C1orf210: variants seen among roughly 807,000 people sequenced by gnomAD.
C1orf210 encodes chromosome 1 open reading frame 210.
Under a neutral mutation model 3.7 loss-of-function variants are expected in C1orf210, and 3 were observed. That is an observed-to-expected ratio of 0.81 (90% CI 0.37 to 2.08). The LOEUF is 2.08. C1orf210 is among the 30% of genes most tolerant of loss of function. The pLI, the probability that C1orf210 is intolerant of heterozygous loss-of-function variation, is 0.06. For synonymous variants in C1orf210, 62 were observed against 61.7 expected (o/e 1.00, Z -0.02); for missense variants, 143 against 147.7 (o/e 0.97, Z 0.17).
intron 1 of C1orf210, among the ~76,000 whole-genome samples, chr1:43,284,310 G>C (rs1431657207): frequency 6.6e-6 from 1 of 152,142 alleles, no homozygotes; most frequent in Non-Finnish European, 1.5e-5. Context: ...ATATCTGCCA[G>C]TGGAGCACCT....
At chr1:43,283,171 C>G in intron 2 of C1orf210, 64 bp from the exon 3 acceptor site, 1 of 1,595,528 alleles carries the variant, frequency 6.3e-7, no homozygotes. Flanking sequence ...AAACCAAGAG[C>G]AGTGCAGGTA....
At chr1:43,285,716 G>A (rs180981899), upstream of C1orf210, 838 of 152,596 alleles carry the variant, frequency 5.5e-3, 2 homozygotes, top group Non-Finnish European at 8.6e-3. Flanking sequence ...GCCTCCAGTG[G>A]GGAGGGATAA....
Position 43,283,108 on chromosome 1 carries a change from C to A in C1orf210, c.20-1G>T. ...GGGAGCTCCGAAGGCCCAACAAGTG[C>A]TGCAGAGAAAGGGACAGCATTATAG... On this transcript the variant is annotated splice_acceptor_variant, in intron 2 of 2. Coordinates refer to ENST00000523677, the MANE Select transcript of C1orf210 (RefSeq NM_182517.3). LOFTEE classifies it high-confidence loss of function. 6.2e-7 allele frequency: 1 copy of A among 1,611,806 alleles called. No individual in the cohort carries two copies. The highest frequency in any genetic ancestry group is 8.5e-7 in the Non-Finnish European group (1 of 1,178,632).
chr1:43,284,499 C>G (rs1272492715), intron 1 of C1orf210, among the ~76,000 whole-genome samples: 1 of 151,950 alleles, frequency 6.6e-6, no homozygotes, highest in Non-Finnish European at 1.5e-5. Context: ...TCTGGAATGA[C>G]AATACCCTCT....
At chr1:43,284,022 C>T (rs1646563610) in intron 1 of C1orf210, among the ~76,000 whole-genome samples, 1 of 152,200 alleles carries the variant, frequency 6.6e-6, no homozygotes, top group African/African-American at 2.4e-5. Flanking sequence ...TCAAAGGAGG[C>T]CCACACTCTG....
At chr1:43,284,313 G>A (rs1460861373) in intron 1 of C1orf210, among the ~76,000 whole-genome samples, 1 of 152,084 alleles carries the variant, frequency 6.6e-6, no homozygotes, top group East Asian at 1.9e-4. Context: ...TCTGCCAGTG[G>A]AGCACCTGAA....
At position 43,282,808 on chromosome 1, in the gene C1orf210, T is replaced by C. The variant is rs1015642985; in HGVS notation, c.319A>G (p.Ser107Gly). The C allele has an allele frequency of 6.2e-7, 1 of 1,606,070 alleles. No individual in the cohort carries two copies. The highest frequency in any genetic ancestry group is 1.3e-5 in the African/African-American group (1 of 74,968). Residue 107 changes from serine (S) to glycine (G), a missense_variant, in exon 3 of 3, where the codon AGC becomes GGC. Transcript: ENST00000523677. ...GCTCAGAGGGAGAAGTGGTCCCTGC[T>C]ACCCTCTGTCCCCAGCTCGCCAGTC... ...PGTGELGTEG[S>G]RDHFSL
At position 43,283,334 on chromosome 1, in the gene C1orf210, G is replaced by T; in HGVS notation, c.-64C>A. ...CAGAAAGAGCCCTGGCTCTGAGGAG[G>T]CCCCCAGATGCCAGGCAGCCCCAGG... On this transcript the variant is annotated 5_prime_UTR_variant, in exon 2 of 3. Transcript: ENST00000523677. The T allele has an allele frequency of 6.3e-7, 1 of 1,589,694 alleles. No individual in the cohort carries two copies. The highest frequency in any genetic ancestry group is 8.5e-7 in the Non-Finnish European group (1 of 1,169,962).
intron 1 of C1orf210, among the ~76,000 whole-genome samples, chr1:43,283,951 G>GC (rs1398523313): frequency 2.0e-5 from 3 of 152,174 alleles, no homozygotes; most frequent in African/African-American, 7.2e-5. Context: ...TAAGTTGAAA[G>GC]CCGCTGCTGC....
At chr1:43,283,920 C>T (rs1363882101) in intron 1 of C1orf210, among the ~76,000 whole-genome samples, 1 of 152,202 alleles carries the variant, frequency 6.6e-6, no homozygotes, top group Non-Finnish European at 1.5e-5. Context: ...CTGGACACAG[C>T]CAGAGCAGCC....
At chr1:43,283,432 C>T (rs1223263238) in intron 1 of C1orf210, 64 bp from the exon 2 acceptor site, 1 of 898,496 alleles carries the variant, frequency 1.1e-6, no homozygotes, top group Non-Finnish European at 1.7e-6. Context: ...AGGTCACACT[C>T]ACAGCCATGG....
intron 1 of C1orf210, among the ~76,000 whole-genome samples, chr1:43,284,039 C>T (rs1042552680): frequency 5.9e-5 from 9 of 152,214 alleles, no homozygotes; most frequent in Admixed American, 4.6e-4. Flanking sequence ...TCTGCCCCCA[C>T]AGGGAGGCTC....
At chr1:43,283,554 T>G (rs772094638) in intron 1 of C1orf210, among the ~76,000 whole-genome samples, 186 bp from the exon 2 acceptor site, 4 of 152,138 alleles carry the variant, frequency 2.6e-5, no homozygotes, top group Non-Finnish European at 4.4e-5. Context: ...ATCACAGGGT[T>G]TGGCTCTGGA....
chr1:43,283,317 G>T lies in C1orf210; in HGVS notation c.-47C>A. ...TGAGTCTCAGCCTCAACCAGAAAGAGCCCTGGCTCTGAGGAGGCCCCCAGA... is the reference window on the plus strand; with the variant it reads ...TGAGTCTCAGCCTCAACCAGAAAGATCCCTGGCTCTGAGGAGGCCCCCAGA... On this transcript the variant is annotated 5_prime_UTR_variant, in exon 2 of 3. Transcript: ENST00000523677. The T allele has an allele frequency of 6.2e-7, 1 of 1,607,954 alleles. No homozygotes were observed. The highest frequency in any genetic ancestry group is 8.5e-7 in the Non-Finnish European group (1 of 1,177,802).
intron 1 of C1orf210, among the ~76,000 whole-genome samples, chr1:43,284,825 A>G (rs559309761): frequency 1.3e-4 from 20 of 151,992 alleles, no homozygotes; most frequent in African/African-American, 4.8e-4. Context: ...CGCCCTCCTC[A>G]GTTTTTGGGG....
chr1:43,282,340 T>C lies in C1orf210; in HGVS notation c.*445A>G. The C allele has an allele frequency of 6.3e-6, 1 of 157,868 alleles. No homozygotes were observed. The highest frequency in any genetic ancestry group is 1.4e-5 in the Non-Finnish European group (1 of 72,410). The allele number at this position is 157,868 out of a possible 1,614,324, so 9.8% of individuals were successfully genotyped here. ...TACCATCTGGGCATATTTGAAATGCTGGCAGGTAGGCAGGCCATCACAGTC... is the reference window on the plus strand; with the variant it reads ...TACCATCTGGGCATATTTGAAATGCCGGCAGGTAGGCAGGCCATCACAGTC... On this transcript the variant is annotated 3_prime_UTR_variant, in exon 3 of 3. Transcript: ENST00000523677.
chr1:43,283,713 T>G (rs1273421222), intron 1 of C1orf210, among the ~76,000 whole-genome samples: 1 of 152,198 alleles, frequency 6.6e-6, no homozygotes, highest in Non-Finnish European at 1.5e-5. Context: ...AAAGGTGAAC[T>G]GACTCAACTA....
At position 43,282,840 on chromosome 1, in the gene C1orf210, T is replaced by C. The variant is rs759452171; in HGVS notation, c.287A>G (p.Gln96Arg). Residue 96 changes from glutamine (Q) to arginine (R), a missense_variant, in exon 3 of 3, where the codon CAG (glutamine) becomes CGG (arginine). Transcript: ENST00000523677. ...DDGFIEDNYI[Q>R]PGTGELGTEG... ...TGTCCCCAGCTCGCCAGTCCCAGGC[T>C]GAATGTAATTGTCCTCGATGAAGCC... is the stretch of plus-strand genomic sequence containing the variant. 3 of 1,613,772 alleles carry C rather than the reference T, an allele frequency of 1.9e-6. No homozygotes were observed. The highest frequency in any genetic ancestry group is 4.5e-5 in the East Asian group (2 of 44,888).
rs1455951086 is a variant in C1orf210 at position 43,282,973 on chromosome 1, C to G, written c.154G>C (p.Ala52Pro). 6.2e-7 allele frequency: 1 copy of G among 1,614,040 alleles called. No homozygotes were observed. Among genetic ancestry groups the G allele is most frequent in the Admixed American group, 1.7e-5 (1 of 60,000 alleles). The change falls in exon 3 of 3, where the codon GCC becomes CCC. Residue 52 changes from alanine (A) to proline (P), a missense_variant. Physicochemically the swap from Ala to Pro is conservative, Grantham distance 27. Transcript: ENST00000523677. ...VVLSLLIALA[A>P]KCHLCRRYHA... ...TATCGGCGGCAGAGGTGGCATTTGG[C>G]AGCAAGTGCAATGAGGAGCGAGAGG...
Sources: gnomAD v4.1 joint callset for allele counts (sites outside exome capture counted in the v4.1 genomes callset) on GRCh38, gnomAD v4.1.1 for gene constraint, MANE v1.5 for transcripts, NCBI Gene and HGNC (gene_info 2026-07-23, HGNC 2026-07-21) for gene names.